The following FRAS1 variants were observed in gnomAD, a reference collection of about 807,000 sequenced individuals.
FRAS1 encodes the protein extracellular matrix organizing protein FRAS1.
A neutral mutation model predicts 435.2 loss-of-function variants in FRAS1; 290 were observed. The observed-to-expected ratio is 0.67, with a 90% CI of 0.61 to 0.73. The LOEUF is 0.73. Among genes scored for constraint, FRAS1 ranks in the 30% least tolerant of loss-of-function variants. The probability of loss-of-function intolerance (pLI) is 0.00; values close to 1 mark genes in which losing one functional copy is unlikely to be tolerated. For synonymous variants in FRAS1, 1,800 were observed against 1,851.0 expected, an observed-to-expected ratio of 0.97 and a Z score of 0.71; for missense variants, 4,860 against 5,001.5, an observed-to-expected ratio of 0.97 and a Z score of 0.85.
At chr4:78,252,639 G>A (rs774220376) in intron 5 of FRAS1, 88 bp downstream of exon 5, 33 of 1,241,590 alleles carry the variant, frequency 2.7e-5, no homozygotes, top group Admixed American at 5.3e-5. Context: ...TTTCAACATA[G>A]GTTCTTTCTA....
At chr4:78,374,430 T>C (rs893635091) in intron 25 of FRAS1, among the ~76,000 whole-genome samples, 179 bp downstream of exon 25, 2 of 152,214 alleles carry the variant, frequency 1.3e-5, no homozygotes, top group African/African-American at 4.8e-5. Context: ...TTAATTAGGA[T>C]ATAGGAGTGT....
chr4:78,482,579 T>G, intron 58 of FRAS1, 44 bp downstream of exon 58: 3 of 1,578,120 alleles, frequency 1.9e-6, no homozygotes, highest in Non-Finnish European at 2.6e-6. Context: ...AATATATTTC[T>G]ATTTTTTCTT....
chr4:78,445,036 C>T (rs1000809636), intron 41 of FRAS1, among the ~76,000 whole-genome samples: 1 of 152,350 alleles, frequency 6.6e-6, no homozygotes, highest in Admixed American at 6.5e-5. Context: ...ACACAGTTAA[C>T]ACTACAGATG....
chr4:78,462,292 T>C (rs1322343879), intron 47 of FRAS1, among the ~76,000 whole-genome samples: 2 of 152,056 alleles, frequency 1.3e-5, no homozygotes, highest in Non-Finnish European at 2.9e-5. Context: ...GGAGAATCAC[T>C]TGAACCTGGG....
At chr4:78,252,839 C>A (rs1369786783) in intron 5 of FRAS1, among the ~76,000 whole-genome samples, 1 of 152,016 alleles carries the variant, frequency 6.6e-6, no homozygotes, top group African/African-American at 2.4e-5. Context: ...GTCACAAAGA[C>A]CACATGCTTC....
At position 78,522,072 on chromosome 4, in the gene FRAS1, A is replaced by G. The variant is rs117660405; in HGVS notation, c.10648+442A>G. ...TCATATGTTACATTTTGATTGTTAT[A>G]TTGCTTTAGTTTCTTTTAATCTAAA... On this transcript the variant is annotated intron_variant, in intron 68 of 73. Coordinates refer to ENST00000512123, the MANE Select transcript of FRAS1 (RefSeq NM_025074.7). 3.3e-5 allele frequency among the ~76,000 whole-genome samples: 5 copies of G among 152,294 alleles called. No individual in the cohort carries two copies. In the East Asian group the frequency reaches 7.7e-4, roughly 24 times the overall value.
chr4:78,284,471 C>T lies in FRAS1; in HGVS notation c.1322C>T (p.Pro441Leu). The change falls in exon 13 of 74, where the codon CCT becomes CTT. Residue 441 changes from proline (P) to leucine (L), a missense_variant. By Grantham distance (98) the Pro-to-Leu change is moderately conservative (BLOSUM62 -3). Coordinates refer to ENST00000512123, the MANE Select transcript of FRAS1 (RefSeq NM_025074.7). Reference sequence around the variant, plus strand: ...GACCACTGTGACCTCTGCCAAGATCCTACCAAGTTACTGCAGAATGGATGG... The same window carrying T: ...GACCACTGTGACCTCTGCCAAGATCTTACCAAGTTACTGCAGAATGGATGG... ...SPDHCDLCQD[P>L]TKLLQNGWCV... The T allele has an allele frequency of 5.0e-6, 8 of 1,613,852 alleles. No homozygotes were observed. The highest frequency in any genetic ancestry group is 6.8e-6 in the Non-Finnish European group (8 of 1,179,808).
chr4:78,508,825 C>G lies in FRAS1; in HGVS notation c.9599C>G (p.Thr3200Ser). Residue 3200 changes from threonine to serine, a missense_variant, in exon 63 of 74, where the codon ACC (threonine) becomes AGC (serine). By Grantham distance (58) the Thr-to-Ser change is moderately conservative. Coordinates refer to ENST00000512123, the MANE Select transcript of FRAS1 (RefSeq NM_025074.7). ...PSPGYPLVCVTPCDPHFPRYA... is the reference protein window; with the variant it reads ...PSPGYPLVCVSPCDPHFPRYA... Reference sequence around the variant, plus strand: ...CCAGGCTACCCACTGGTCTGTGTCACCCCCTGCGACCCTCATTTCCCCAGA... The same window carrying G: ...CCAGGCTACCCACTGGTCTGTGTCAGCCCCTGCGACCCTCATTTCCCCAGA... The G allele has an allele frequency of 6.2e-7, 1 of 1,613,708 alleles. No individual in the cohort carries two copies. The highest frequency in any genetic ancestry group is 1.1e-5 in the South Asian group (1 of 91,004).
chr4:78,402,864 T>C (rs1732952133), intron 30 of FRAS1, among the ~76,000 whole-genome samples: 1 of 152,212 alleles, frequency 6.6e-6, no homozygotes, highest in Non-Finnish European at 1.5e-5. Flanking sequence ...TTGTAGACTC[T>C]CACTCAATTT....
chr4:78,183,574 T>C (rs1560568461), intron 2 of FRAS1, among the ~76,000 whole-genome samples: 2 of 152,204 alleles, frequency 1.3e-5, no homozygotes. Flanking sequence ...TGCCTTACTT[T>C]CCTGTCAAAT....
Position 78,117,190 on chromosome 4 carries a change from C to G in FRAS1, c.108+51174C>G, listed in dbSNP as rs888470028. On this transcript the variant is annotated intron_variant, in intron 2 of 73. Coordinates refer to ENST00000512123, the MANE Select transcript of FRAS1 (RefSeq NM_025074.7). ...TCTCTTCTGGCTTGTAGAGTTTCTG[C>G]CAAGAGATCAGCTGTTGGTCTGATG... 1.6e-4 allele frequency among the ~76,000 whole-genome samples: 25 copies of G among 152,282 alleles called. 1 individual carries two copies. Among genetic ancestry groups the G allele is most frequent in the African/African-American group, 5.5e-4 (23 of 41,554 alleles).
intron 2 of FRAS1, among the ~76,000 whole-genome samples, chr4:78,100,848 A>G (rs10518186): frequency 0.062 from 9,433 of 152,254 alleles, 791 homozygotes; most frequent in African/African-American, 0.19. Context: ...AGGCTAAGGC[A>G]ATTTCCTGGA....
At chr4:78,265,274 G>A (rs572525499) in intron 7 of FRAS1, among the ~76,000 whole-genome samples, 166 bp downstream of exon 7, 16 of 152,190 alleles carry the variant, frequency 1.1e-4, no homozygotes, top group Non-Finnish European at 2.2e-4. Context: ...AAACTTGTAG[G>A]AAAAAATTAA....
intron 30 of FRAS1, 50 bp from the exon 31 acceptor site, chr4:78,407,613 C>T (rs747270464): frequency 1.3e-6 from 2 of 1,494,204 alleles, no homozygotes; most frequent in Admixed American, 4.4e-5. Flanking sequence ...GGTAAGGGCT[C>T]TGACTTTTCC....
At chr4:78,477,593 T>C (rs1719888761) in intron 54 of FRAS1, among the ~76,000 whole-genome samples, 1 of 152,242 alleles carries the variant, frequency 6.6e-6, no homozygotes, top group African/African-American at 2.4e-5. Context: ...TGCTCCTTCA[T>C]GTCCTTATAC....
At chr4:78,127,741 T>A (rs958731521) in intron 2 of FRAS1, among the ~76,000 whole-genome samples, 7 of 152,084 alleles carry the variant, frequency 4.6e-5, no homozygotes, top group South Asian at 2.1e-4. Flanking sequence ...TTTATTTATT[T>A]ATTTTTTTAA....
At chr4:78,315,755 A>T (rs775646884) in intron 16 of FRAS1, 21 bp downstream of exon 16, 1 of 1,613,380 alleles carries the variant, frequency 6.2e-7, no homozygotes, top group South Asian at 1.1e-5. Flanking sequence ...GGTCACCATC[A>T]TCATCATCAA....
intron 20 of FRAS1, among the ~76,000 whole-genome samples, chr4:78,358,121 A>C (rs1455918304): frequency 6.6e-6 from 1 of 151,976 alleles, no homozygotes; most frequent in Non-Finnish European, 1.5e-5. Context: ...AATTAAAATG[A>C]TACATCCAGA....
chr4:78,221,180 A>G (rs1034379524), intron 2 of FRAS1, among the ~76,000 whole-genome samples: 2 of 152,186 alleles, frequency 1.3e-5, no homozygotes, highest in South Asian at 2.1e-4. Flanking sequence ...TAATAATAAT[A>G]ATACATAACC....
Sources: gnomAD v4.1 joint callset for allele counts (sites outside exome capture counted in the v4.1 genomes callset) on GRCh38, gnomAD v4.1.1 for gene constraint, MANE v1.5 for transcripts, NCBI Gene and HGNC (gene_info 2026-07-23, HGNC 2026-07-21) for gene names.